TEX11: variants seen among roughly 807,000 people sequenced by gnomAD.
TEX11 encodes the protein testis-expressed protein 11.
In TEX11, 7 loss-of-function variants were observed where a neutral mutation model predicts 84.4. The observed-to-expected ratio is 0.08, with a 90% CI of 0.05 to 0.16. TEX11 has a LOEUF of 0.16. Among genes scored for constraint, TEX11 ranks in the 10% least tolerant of loss-of-function variants. The pLI is 1.00. For synonymous variants in TEX11, 264 were observed against 222.8 expected (o/e 1.18, Z -1.64); for missense variants, 551 against 660.5 (o/e 0.83, Z 1.82).
chrX:70,837,070 T>G (rs2091409654), intron 7 of TEX11, among the ~76,000 whole-genome samples: 1 of 110,229 alleles, frequency 9.1e-6, no homozygotes, highest in Non-Finnish European at 1.9e-5. Context: ...GCATGGCCAC[T>G]CTAGAAAACA....
At chrX:70,645,999 C>T (rs2089737341) in intron 17 of TEX11, among the ~76,000 whole-genome samples, 1 of 111,197 alleles carries the variant, frequency 9.0e-6, no homozygotes, top group African/African-American at 3.3e-5. Context: ...CTGAAGTCAC[C>T]ATACTATGTG....
At chrX:70,667,732 C>T (rs778462795) in intron 16 of TEX11, among the ~76,000 whole-genome samples, 1 of 110,976 alleles carries the variant, frequency 9.0e-6, no homozygotes, top group South Asian at 3.8e-4. Flanking sequence ...TCGAGACCAG[C>T]CTGGCCAAAA....
intron 9 of TEX11, among the ~76,000 whole-genome samples, chrX:70,797,181 T>C (rs1162590954): frequency 8.9e-6 from 1 of 112,081 alleles, no homozygotes. Flanking sequence ...ATTGCAGCAC[T>C]ATTCACAATA....
chrX:70,762,733 C>T (rs1233055383), intron 9 of TEX11, among the ~76,000 whole-genome samples: 1 of 111,514 alleles, frequency 9.0e-6, no homozygotes, highest in African/African-American at 3.3e-5. Context: ...GGGACTGCTG[C>T]CTTAAAGAAT....
chrX:70,841,755 G>C (rs1238205213), intron 7 of TEX11, among the ~76,000 whole-genome samples: 2 of 111,638 alleles, frequency 1.8e-5, no homozygotes, highest in East Asian at 5.6e-4. Flanking sequence ...AAGAAGAAAA[G>C]AGAGAAGAAT....
At chrX:70,598,220 T>C (rs1257081654) in intron 24 of TEX11, among the ~76,000 whole-genome samples, 1 of 112,260 alleles carries the variant, frequency 8.9e-6, no homozygotes, top group African/African-American at 3.2e-5. Context: ...CAATAGATAT[T>C]TTCCAAAGAA....
At chrX:70,886,605 A>G (rs760782030) in intron 2 of TEX11, among the ~76,000 whole-genome samples, 6 of 112,318 alleles carry the variant, frequency 5.3e-5, no homozygotes, top group Non-Finnish European at 1.1e-4. Flanking sequence ...CAATAAAAAA[A>G]GAAATGATAC....
At chrX:70,841,931 GA>G (rs1448257778) in intron 7 of TEX11, among the ~76,000 whole-genome samples, 1 of 102,671 alleles carries the variant, frequency 9.7e-6, no homozygotes, top group Non-Finnish European at 2.0e-5. Flanking sequence ...ACTAAACCAG[GA>G]AGAAGTTGAA....
At chrX:70,745,468 C>T (rs1241133216) in intron 9 of TEX11, among the ~76,000 whole-genome samples, 2 of 110,583 alleles carry the variant, frequency 1.8e-5, no homozygotes, top group South Asian at 3.8e-4. Flanking sequence ...ATGACAGTGG[C>T]TCACACCTGT....
chrX:70,781,699 G>A (rs2091040178), intron 9 of TEX11, among the ~76,000 whole-genome samples: 1 of 111,944 alleles, frequency 8.9e-6, no homozygotes, highest in African/African-American at 3.2e-5. Flanking sequence ...ATTCGATCAA[G>A]TGGAAGAGAG....
chrX:70,592,588 A>G (rs2088948089), intron 24 of TEX11, among the ~76,000 whole-genome samples: 1 of 111,468 alleles, frequency 9.0e-6, no homozygotes, highest in African/African-American at 3.3e-5. Flanking sequence ...CAGCTCTCTC[A>G]TCTCAGCTCT....
chrX:70,659,508 A>C (rs2089905293), intron 16 of TEX11, among the ~76,000 whole-genome samples: 1 of 112,005 alleles, frequency 8.9e-6, no homozygotes, highest in African/African-American at 3.2e-5. Context: ...ATAAGAGAAC[A>C]CTTCAAACCC....
chrX:70,781,349 A>C (rs1022897076), intron 9 of TEX11, among the ~76,000 whole-genome samples: 3 of 112,376 alleles, frequency 2.7e-5, no homozygotes, highest in African/African-American at 9.7e-5. Context: ...GAAAACCACA[A>C]AGATGGGGAG....
At chrX:70,730,357 C>T (rs2090636753) in intron 11 of TEX11, among the ~76,000 whole-genome samples, 1 of 111,740 alleles carries the variant, frequency 8.9e-6, no homozygotes, top group Non-Finnish European at 1.9e-5. Context: ...CACAGACTGG[C>T]AAATTGGATA....
the TEX11 span, among the ~76,000 whole-genome samples, chrX:70,520,587 A>C: frequency 1.8e-5 from 2 of 112,520 alleles, no homozygotes; most frequent in African/African-American, 6.4e-5. Flanking sequence ...GTTAGGCTAC[A>C]TGGGGCTCAG....
At chrX:70,708,413 G>C (rs184559765) in intron 13 of TEX11, among the ~76,000 whole-genome samples, 1 of 111,573 alleles carries the variant, frequency 9.0e-6, no homozygotes, top group East Asian at 2.8e-4. Flanking sequence ...ACTTAAAACA[G>C]AGCTACCATT....
chrX:70,703,960 C>T (rs992008777), intron 13 of TEX11, among the ~76,000 whole-genome samples: 7 of 111,182 alleles, frequency 6.3e-5, no homozygotes, highest in African/African-American at 2.0e-4. Context: ...GAGGTCGGGC[C>T]TAGTGGGAGG....
chrX:70,596,787 T>A (rs1008912264), intron 24 of TEX11, among the ~76,000 whole-genome samples: 2 of 110,623 alleles, frequency 1.8e-5, no homozygotes, highest in African/African-American at 6.5e-5. Context: ...TGGGAATTAA[T>A]GAAATAGAGA....
chrX:70,591,618 AC>A, intron 25 of TEX11, 132 bp downstream of exon 25: 1 of 467,339 alleles, frequency 2.1e-6, no homozygotes, highest in Non-Finnish European at 3.6e-6. Context: ...AACAAACAAA[AC>A]AACAGAAAAA....
Sources: allele counts gnomAD v4.1 joint callset (sites outside exome capture counted in the v4.1 genomes callset), GRCh38; gene constraint gnomAD v4.1.1; transcripts MANE v1.5; gene names NCBI Gene and HGNC (gene_info 2026-07-23, HGNC 2026-07-21).